Variants in C6 observed in about 807,000 individuals in gnomAD.
The protein encoded by C6 is complement C6, also known as complement component C6.
C6 carries 101 observed loss-of-function variants against 112.9 expected under a neutral mutation model. That is an observed-to-expected ratio of 0.89 (90% CI 0.76 to 1.06). The LOEUF is 1.06. C6 is among the 50% of genes least tolerant of loss of function. The pLI is 0.00. For synonymous variants in C6, 431 were observed against 384.1 expected (o/e 1.12, Z -1.43); for missense variants, 1,202 against 1,104.6 (o/e 1.09, Z -1.25).
chr5:41,239,274 G>C (rs1740546039), intron 1 of C6, among the ~76,000 whole-genome samples: 1 of 151,856 alleles, frequency 6.6e-6, no homozygotes, highest in African/African-American at 2.4e-5. Context: ...ACCACGCCCA[G>C]CTAATTTTTG....
chr5:41,211,123 A>G (rs1417974095), intron 1 of C6, among the ~76,000 whole-genome samples: 2 of 152,184 alleles, frequency 1.3e-5, no homozygotes, highest in Admixed American at 1.3e-4. Context: ...CATTTTGAGC[A>G]AACTATCACA....
intron 1 of C6, among the ~76,000 whole-genome samples, chr5:41,228,753 T>G (rs1739689606): frequency 6.6e-6 from 1 of 152,190 alleles, no homozygotes; most frequent in Non-Finnish European, 1.5e-5. Context: ...GTACATTTAT[T>G]GTACATTTAT....
intron 9 of C6, among the ~76,000 whole-genome samples, chr5:41,164,306 C>T (rs1026775516): frequency 2.5e-4 from 38 of 152,084 alleles, no homozygotes; most frequent in African/African-American, 8.9e-4. Flanking sequence ...CTGACATGTT[C>T]CTGGAAGGAA....
intron 1 of C6, among the ~76,000 whole-genome samples, chr5:41,236,899 C>A (rs1376732102): frequency 5.5e-5 from 8 of 146,392 alleles, no homozygotes; most frequent in South Asian, 4.5e-4. Flanking sequence ...GGGGATATCA[C>A]CACCAATCCC....
chr5:41,161,798 A>AT lies in C6; in HGVS notation c.1352dup (p.Tyr451Ter), dbSNP rs779825789. The change falls in exon 10 of 18, where the codon TAT becomes TAAT. Residue 451 changes from tyrosine to a stop codon, truncating the protein, a stop_gained and frameshift_variant. Coordinates refer to ENST00000337836, the MANE Select transcript of C6 (RefSeq NM_000065.5). LOFTEE classifies it high-confidence loss of function. ...ISLIRGGRSE[Y>*]GAALAWEKGS... ...CTTTCTCCCATGCCAAAGCTGCTCC[A>AT]TATTCACTCCTTCCACCTCGAATCA... The AT allele has an allele frequency of 9.7e-5, 157 of 1,613,710 alleles. 2 individuals carry two copies. The South Asian group carries it at 1.7e-3, about 17-fold the overall frequency.
chr5:41,200,888 G>GT (rs1750967031), intron 3 of C6, among the ~76,000 whole-genome samples: 2 of 66,822 alleles, frequency 3.0e-5, no homozygotes, highest in African/African-American at 5.6e-5. Flanking sequence ...TGTTGTTGTT[G>GT]TTGTTTTTTT....
intron 1 of C6, among the ~76,000 whole-genome samples, chr5:41,254,688 C>T (rs556475064): frequency 1.3e-5 from 2 of 152,230 alleles, no homozygotes; most frequent in African/African-American, 4.8e-5. Context: ...GTTAAGTGAT[C>T]CCTATAGAAA....
At chr5:41,208,260 A>G (rs58096029) in intron 1 of C6, among the ~76,000 whole-genome samples, 20,109 of 152,222 alleles carry the variant, frequency 0.13, 1,554 homozygotes, top group African/African-American at 0.22. Context: ...TGCCCACAAG[A>G]GAAAGCAGGA....
intron 13 of C6, among the ~76,000 whole-genome samples, chr5:41,156,806 C>A (rs1378091452): frequency 6.6e-6 from 1 of 152,108 alleles, no homozygotes; most frequent in Non-Finnish European, 1.5e-5. Flanking sequence ...TCTTGCATTT[C>A]TTCTGAAATA....
chr5:41,247,641 C>T (rs960522514), intron 1 of C6, among the ~76,000 whole-genome samples: 4 of 151,110 alleles, frequency 2.6e-5, no homozygotes, highest in Admixed American at 6.6e-5. Context: ...TGGCATGAAC[C>T]CGGGAGGTGG....
chr5:41,241,453 C>A (rs977759375), intron 1 of C6, among the ~76,000 whole-genome samples: 49 of 152,062 alleles, frequency 3.2e-4, no homozygotes, highest in African/African-American at 1.2e-3. Context: ...TTGGAGGAAT[C>A]AAAAAATATT....
chr5:41,158,772 T>TA lies in C6; in HGVS notation c.1869dup (p.Ile624TyrfsTer3). 1 of 1,575,266 alleles carries TA rather than the reference T, an allele frequency of 6.3e-7. No individual in the cohort carries two copies. Among genetic ancestry groups the TA allele is most frequent in the Non-Finnish European group, 8.7e-7 (1 of 1,144,918 alleles). On this transcript the variant is annotated frameshift_variant, in exon 13 of 18. Transcript: ENST00000337836. LOFTEE classifies it high-confidence loss of function. ...TCTTTCATTTCTTCGTCATCATTGA[T>TA]ACATGGTTGTCCACTAAAAGGGAAA...
chr5:41,160,818 G>T (rs1166114068), intron 10 of C6, among the ~76,000 whole-genome samples: 1 of 152,118 alleles, frequency 6.6e-6, no homozygotes, highest in East Asian at 1.9e-4. Context: ...GTTGGAGTTA[G>T]ATGAGAAAAT....
Position 41,142,655 on chromosome 5 carries a change from C to A in C6, c.*170G>T. 1 of 650,966 alleles carries A rather than the reference C, an allele frequency of 1.5e-6. No homozygotes were observed. Among genetic ancestry groups the A allele is most frequent in the South Asian group, 1.7e-5 (1 of 58,158 alleles). 40.3% of individuals were successfully genotyped at this position (650,966 alleles called of 1,614,324 possible). ...ATGAGCTGGAACTGAATAAGACATG[C>A]CCAAACAGGAGAGTCAGGGGAGAAT... On this transcript the variant is annotated 3_prime_UTR_variant, in exon 18 of 18. Transcript: ENST00000337836.
intron 1 of C6, among the ~76,000 whole-genome samples, chr5:41,205,287 G>A (rs868166662): frequency 6.6e-6 from 1 of 152,218 alleles, no homozygotes; most frequent in Non-Finnish European, 1.5e-5. Context: ...AAAAGTTCCA[G>A]TCTACAGCTC....
chr5:41,152,045 TG>T (rs756153598), intron 15 of C6, among the ~76,000 whole-genome samples: 16 of 146,310 alleles, frequency 1.1e-4, no homozygotes, highest in Admixed American at 2.7e-4. Flanking sequence ...AGGAAGAAGG[TG>T]GAGGAGAGGA....
At chr5:41,247,735 A>G (rs1329740817) in intron 1 of C6, among the ~76,000 whole-genome samples, 1 of 151,396 alleles carries the variant, frequency 6.6e-6, no homozygotes, top group Non-Finnish European at 1.5e-5. Context: ...AAAAAAAAAA[A>G]GCAATATATC....
intron 5 of C6, among the ~76,000 whole-genome samples, chr5:41,187,206 T>C (rs35198304): frequency 3.9e-4 from 60 of 152,118 alleles, no homozygotes; most frequent in Admixed American, 7.2e-4. Flanking sequence ...GCCCTTCCCT[T>C]CTCATGACCC....
At chr5:41,199,078 G>A (rs1750817784) in intron 4 of C6, among the ~76,000 whole-genome samples, 1 of 152,198 alleles carries the variant, frequency 6.6e-6, no homozygotes, top group Non-Finnish European at 1.5e-5. Flanking sequence ...AGCTGGCAAA[G>A]CTGAGGGCAG....
Sources: gnomAD v4.1 joint callset for allele counts (sites outside exome capture counted in the v4.1 genomes callset) on GRCh38, gnomAD v4.1.1 for gene constraint, MANE v1.5 for transcripts, NCBI Gene and HGNC (gene_info 2026-07-23, HGNC 2026-07-21) for gene names.